The following FANCI variants were observed in gnomAD, a reference collection of about 807,000 sequenced individuals.
FANCI encodes the protein FA complementation group I.
FANCI carries 156 observed loss-of-function variants against 176.1 expected under a neutral mutation model. The observed-to-expected ratio is 0.89, with a 90% CI of 0.78 to 1.01. The LOEUF (loss-of-function observed/expected upper bound fraction) is 1.01, where lower values mean the gene tolerates loss of function less well. Among genes scored for constraint, FANCI ranks in the 50% least tolerant of loss-of-function variants. FANCI has a pLI of 0.00. For missense variants in FANCI, 1,678 were observed against 1,534.1 expected (o/e 1.09, Z -1.57); for synonymous variants, 613 against 541.7 (o/e 1.13, Z -1.83).
At chr15:89,315,488 G>A in intron 37 of FANCI, 99 bp downstream of exon 37, 1 of 815,106 alleles carries the variant, frequency 1.2e-6, no homozygotes, top group Non-Finnish European at 2.1e-6. Context: ...AACAGAATGG[G>A]AAAGGGCTAA....
Position 89,268,318 on chromosome 15 carries a change from G to T in FANCI, c.756-81G>T, listed in dbSNP as rs753200241. The T allele has an allele frequency of 4.7e-6, 7 of 1,503,444 alleles. No individual in the cohort carries two copies. The Admixed American group carries it at 1.2e-4, about 25-fold the overall frequency. 93.1% of individuals were successfully genotyped at this position (1,503,444 alleles called of 1,614,324 possible). On this transcript the variant is annotated intron_variant, in intron 9 of 37. Coordinates refer to ENST00000310775, the MANE Select transcript of FANCI (RefSeq NM_001113378.2). ...ACTCCTGGGATCAAGTGATGCGCCC[G>T]CCTTGGCCTCCCAAAGTGCTGGCAT...
chr15:89,283,270 A>G lies in FANCI; in HGVS notation c.1698+20A>G, dbSNP rs766254462. 1 of 1,613,648 alleles carries G rather than the reference A, an allele frequency of 6.2e-7. No homozygotes were observed. The highest frequency in any genetic ancestry group is 8.5e-7 in the Non-Finnish European group (1 of 1,179,810). On this transcript the variant is annotated intron_variant, in intron 17 of 37. Transcript: ENST00000310775. Reference sequence around the variant, plus strand: ...AGTCAGGTAAGGATTATTTACGTTAACTTGCAGTGTGTGCGTATCATTCAT... The same window carrying G: ...AGTCAGGTAAGGATTATTTACGTTAGCTTGCAGTGTGTGCGTATCATTCAT...
chr15:89,294,864 T>G, intron 23 of FANCI, 51 bp from the exon 24 acceptor site: 2 of 1,524,326 alleles, frequency 1.3e-6, no homozygotes, highest in African/African-American at 2.8e-5. Context: ...CATATACCAA[T>G]AGCAGTAAGG....
chr15:89,262,098 T>C (rs1156624172), intron 6 of FANCI, among the ~76,000 whole-genome samples: 5 of 152,244 alleles, frequency 3.3e-5, no homozygotes, highest in Non-Finnish European at 5.9e-5. Flanking sequence ...TTTGCTTGAC[T>C]GTATCTTCTT....
chr15:89,288,646 GTCTTCCT>G (rs2053924715), intron 18 of FANCI, among the ~76,000 whole-genome samples: 1 of 143,964 alleles, frequency 6.9e-6, no homozygotes, highest in Admixed American at 7.0e-5. Context: ...AAGAGACAGA[GTCTTCCT>G]CTGTTATCCA....
At chr15:89,244,467 G>A (rs2051855391) in intron 1 of FANCI, among the ~76,000 whole-genome samples, 1 of 152,288 alleles carries the variant, frequency 6.6e-6, no homozygotes, top group African/African-American at 2.4e-5. Flanking sequence ...CTCGGATCTT[G>A]GCTTCAGATC....
chr15:89,269,086 A>G (rs1018707075), intron 10 of FANCI, among the ~76,000 whole-genome samples: 2 of 152,244 alleles, frequency 1.3e-5, no homozygotes, highest in African/African-American at 2.4e-5. Flanking sequence ...TCTAACTCAG[A>G]AAAGTTAAAA....
At chr15:89,254,185 C>T (rs2151153913) in intron 2 of FANCI, among the ~76,000 whole-genome samples, 1 of 152,224 alleles carries the variant, frequency 6.6e-6, no homozygotes, top group African/African-American at 2.4e-5. Flanking sequence ...TGGTCAAATC[C>T]TGTCTCTATA....
chr15:89,303,766 T>C, intron 27 of FANCI, 98 bp from the exon 28 acceptor site: 1 of 1,016,074 alleles, frequency 9.8e-7, no homozygotes, highest in Non-Finnish European at 1.5e-6. Context: ...GGCAGCTGAT[T>C]TGCTTAGATA....
chr15:89,315,523 C>A, intron 37 of FANCI, 134 bp downstream of exon 37: 1 of 704,880 alleles, frequency 1.4e-6, no homozygotes, highest in Non-Finnish European at 2.6e-6. Flanking sequence ...AAGATGAGAG[C>A]AAAGGACTCT....
rs112140323 is a variant in FANCI, at chr15:89,268,235, T to C, written c.756-164T>C. On this transcript the variant is annotated intron_variant, in intron 9 of 37. Coordinates refer to ENST00000310775, the MANE Select transcript of FANCI (RefSeq NM_001113378.2). ...TCAGCCTCCCAAGTAGCTGGGACTATAGGAATGCCACCACATCGGGCTGAT... is the reference window on the plus strand; with the variant it reads ...TCAGCCTCCCAAGTAGCTGGGACTACAGGAATGCCACCACATCGGGCTGAT... 0.011 allele frequency among the ~76,000 whole-genome samples: 1,749 copies of C among 152,234 alleles called. 29 individuals are homozygous for C. Among genetic ancestry groups the C allele is most frequent in the African/African-American group, 0.04 (1,672 of 41,528 alleles).
At chr15:89,293,797 G>A in intron 22 of FANCI, 36 bp from the exon 23 acceptor site, 1 of 1,601,430 alleles carries the variant, frequency 6.2e-7, no homozygotes, top group South Asian at 1.1e-5. Flanking sequence ...ATATTCTGAT[G>A]TTTGTCCTTA....
chr15:89,246,763 CTTTTTTTT>C (rs35104299), intron 1 of FANCI, among the ~76,000 whole-genome samples: 4 of 113,948 alleles, frequency 3.5e-5, no homozygotes, highest in South Asian at 3.0e-4. Context: ...TTCTTCCTTT[CTTTTTTTT>C]TTTTTTTTTT....
intron 24 of FANCI, among the ~76,000 whole-genome samples, chr15:89,296,951 G>A (rs1312588694): frequency 6.7e-6 from 1 of 149,666 alleles, no homozygotes; most frequent in South Asian, 2.1e-4. Context: ...GGACGGGGCG[G>A]CTGGCCGGGC....
chr15:89,316,205 T>TATTACTCTACACTTTG (rs2055247155), intron 37 of FANCI, 192 bp from the exon 38 acceptor site: 1 of 633,122 alleles, frequency 1.6e-6, no homozygotes, highest in African/African-American at 1.8e-5. Flanking sequence ...GCCACTGTCT[T>TATTACTCTACACTTTG]ATTACTCTAC....
intron 9 of FANCI, among the ~76,000 whole-genome samples, chr15:89,265,998 C>CTTT (rs34447883): frequency 7.6e-6 from 1 of 132,032 alleles, no homozygotes; most frequent in African/African-American, 2.8e-5. Context: ...TTTCTTATTT[C>CTTT]TTTTTTTTTT....
At chr15:89,286,676 A>G (rs769601241) in intron 18 of FANCI, among the ~76,000 whole-genome samples, 4 of 152,176 alleles carry the variant, frequency 2.6e-5, no homozygotes, top group Non-Finnish European at 5.9e-5. Context: ...GGCAGAGTAG[A>G]TGTAGCATAA....
chr15:89,313,261 GAAAA>G (rs35546665), intron 35 of FANCI, among the ~76,000 whole-genome samples: 1 of 151,658 alleles, frequency 6.6e-6, no homozygotes, highest in East Asian at 1.9e-4. Flanking sequence ...TGCAAATACT[GAAAA>G]AAAAGTACAT....
intron 24 of FANCI, among the ~76,000 whole-genome samples, chr15:89,299,577 T>C (rs1271447071): frequency 6.6e-6 from 1 of 152,192 alleles, no homozygotes; most frequent in Non-Finnish European, 1.5e-5. Flanking sequence ...GGACAGAAAT[T>C]AGATCAGTAG....
Sources: gnomAD v4.1 joint callset for allele counts (sites outside exome capture counted in the v4.1 genomes callset) on GRCh38, gnomAD v4.1.1 for gene constraint, MANE v1.5 for transcripts, NCBI Gene and HGNC (gene_info 2026-07-23, HGNC 2026-07-21) for gene names.